EIF2S1: variants seen among roughly 807,000 people sequenced by gnomAD.
EIF2S1 encodes eukaryotic translation initiation factor 2 subunit alpha.
In EIF2S1, 5 loss-of-function variants were observed where a neutral mutation model predicts 33.5. That is an observed-to-expected ratio of 0.15 (90% CI 0.08 to 0.31). EIF2S1 has a LOEUF of 0.31. Ranked by LOEUF, EIF2S1 falls within the 10% of genes least tolerant of loss-of-function variation. The probability of loss-of-function intolerance (pLI) is 1.00; values close to 1 mark genes in which losing one functional copy is unlikely to be tolerated. For synonymous variants in EIF2S1, 99 were observed against 127.5 expected, an observed-to-expected ratio of 0.78 and a Z score of 1.51; for missense variants, 191 against 384.6, an observed-to-expected ratio of 0.50 and a Z score of 4.21.
chr14:67,380,634 GTTAT>G (rs1420727388), intron 4 of EIF2S1, 21 bp from the exon 5 acceptor site: 7 of 1,327,382 alleles, frequency 5.3e-6, no homozygotes, highest in South Asian at 1.5e-5. Context: ...TTGACCTTTT[GTTAT>G]TTATTTATGT....
chr14:67,386,342 G>T lies in EIF2S1; in HGVS notation c.*2902G>T, dbSNP rs2085923859. On this transcript the variant is annotated 3_prime_UTR_variant, in exon 8 of 8. Coordinates refer to ENST00000256383, the MANE Select transcript of EIF2S1 (RefSeq NM_004094.5). ...AAGGGACAGTTCAAACTATTAAAGA[G>T]AACAAATTTTTACTTAAGCACTTTG... 6.6e-6 allele frequency: 1 copy of T among 152,400 alleles called. No homozygotes were observed. Among genetic ancestry groups the T allele is most frequent in the Non-Finnish European group, 1.5e-5 (1 of 68,020 alleles). The allele number at this position is 152,400 out of a possible 1,614,324, so 9.4% of individuals were successfully genotyped here. A position where few individuals can be genotyped will look rare whatever the true frequency, so the allele number is the denominator to read the frequency against.
At chr14:67,361,203 T>C (rs1798405124) in intron 1 of EIF2S1, among the ~76,000 whole-genome samples, 1 of 152,186 alleles carries the variant, frequency 6.6e-6, no homozygotes, top group Admixed American at 6.5e-5. Context: ...AAACTTAGGC[T>C]TTTTAAATTT....
chr14:67,374,416 T>C, intron 2 of EIF2S1, 52 bp from the exon 3 acceptor site: 1 of 1,157,306 alleles, frequency 8.6e-7, no homozygotes, highest in South Asian at 1.7e-5. Flanking sequence ...CTGGTTACAA[T>C]AGTACAGTGG....
intron 4 of EIF2S1, among the ~76,000 whole-genome samples, chr14:67,376,852 A>G (rs1221256484): frequency 6.6e-6 from 1 of 152,182 alleles, no homozygotes; most frequent in Non-Finnish European, 1.5e-5. Context: ...ACTAAAGAGC[A>G]TGTCTCACCA....
intron 2 of EIF2S1, among the ~76,000 whole-genome samples, chr14:67,366,752 A>C (rs780857892): frequency 2.5e-4 from 38 of 152,110 alleles, no homozygotes; most frequent in Non-Finnish European, 4.6e-4. Flanking sequence ...CTGAACAAGT[A>C]TGAAAAATAA....
intron 1 of EIF2S1, among the ~76,000 whole-genome samples, chr14:67,361,444 T>G (rs975854921): frequency 6.6e-6 from 1 of 152,188 alleles, no homozygotes; most frequent in Non-Finnish European, 1.5e-5. Context: ...ACTATAATGA[T>G]GAAATAAAAG....
chr14:67,378,907 C>A (rs937137884), intron 4 of EIF2S1, among the ~76,000 whole-genome samples: 3 of 152,146 alleles, frequency 2.0e-5, no homozygotes, highest in Non-Finnish European at 4.4e-5. Flanking sequence ...GTATCAATAT[C>A]ATTTGTTTTT....
chr14:67,379,800 G>A (rs899952685), intron 4 of EIF2S1, among the ~76,000 whole-genome samples: 67 of 147,916 alleles, frequency 4.5e-4, no homozygotes, highest in Non-Finnish European at 7.2e-4. Context: ...GACTACAGGC[G>A]CCCGCCACTA....
At chr14:67,375,500 T>C (rs1268263545) in intron 3 of EIF2S1, among the ~76,000 whole-genome samples, 3 of 150,526 alleles carry the variant, frequency 2.0e-5, no homozygotes, top group African/African-American at 7.4e-5. Flanking sequence ...TTTTCTGCCA[T>C]GAGTGTTTCT....
In EIF2S1 at chr14:67,361,670, A is replaced by C. The variant is rs184314840; in HGVS notation, c.-2+1214A>C. Among the ~76,000 whole-genome samples, 217 of 152,362 alleles carry C rather than the reference A, an allele frequency of 1.4e-3. 1 individual carries two copies. The highest frequency in any genetic ancestry group is 2.3e-3 in the Non-Finnish European group (155 of 68,020). ...CATTTGTCATGCAAAATAACTGACT[A>C]TGCAGGGTATTTGAAATTAGCCTGG... is the stretch of plus-strand genomic sequence containing the variant. On this transcript the variant is annotated intron_variant, in intron 1 of 7. Coordinates refer to ENST00000256383, the MANE Select transcript of EIF2S1 (RefSeq NM_004094.5).
At chr14:67,373,534 A>G (rs1203472307) in intron 2 of EIF2S1, among the ~76,000 whole-genome samples, 1 of 152,216 alleles carries the variant, frequency 6.6e-6, no homozygotes, top group Admixed American at 6.5e-5. Flanking sequence ...CACCACAGAC[A>G]TGCTGTCCTC....
intron 1 of EIF2S1, 62 bp from the exon 2 acceptor site, chr14:67,364,705 T>C (rs1373172543): frequency 6.8e-7 from 1 of 1,478,682 alleles, no homozygotes. Flanking sequence ...ATGTGGAAAT[T>C]GATTTTTTTT....
chr14:67,381,552 T>C, intron 5 of EIF2S1, 41 bp from the exon 6 acceptor site: 1 of 1,494,836 alleles, frequency 6.7e-7, no homozygotes, highest in African/African-American at 1.4e-5. Context: ...TTTAAATATT[T>C]TTTGCATTTT....
chr14:67,381,556 G>T (rs1468980231), intron 5 of EIF2S1, 37 bp from the exon 6 acceptor site: 3 of 1,514,252 alleles, frequency 2.0e-6, no homozygotes, highest in Admixed American at 3.5e-5. Flanking sequence ...AATATTTTTT[G>T]CATTTTTTAT....
chr14:67,372,152 G>A (rs2085826608), intron 2 of EIF2S1, among the ~76,000 whole-genome samples: 1 of 152,058 alleles, frequency 6.6e-6, no homozygotes, highest in South Asian at 2.1e-4. Context: ...AAATTTATGT[G>A]TGCTTTTATA....
At chr14:67,383,267 G>C (rs377663741) in intron 7 of EIF2S1, 48 bp from the exon 8 acceptor site, 5 of 1,589,084 alleles carry the variant, frequency 3.1e-6, no homozygotes, top group Non-Finnish European at 3.4e-6. Flanking sequence ...AATTAAATTT[G>C]TATAGTATTT....
chr14:67,364,843 T>G lies in EIF2S1; in HGVS notation c.76T>G (p.Ser26Ala). 1 of 1,614,056 alleles carries G rather than the reference T, an allele frequency of 6.2e-7. No individual in the cohort carries two copies. The highest frequency in any genetic ancestry group is 8.5e-7 in the Non-Finnish European group (1 of 1,179,956). Residue 26 changes from serine (S) to alanine (A), a missense_variant, in exon 2 of 8, where the codon TCC becomes GCC. Physicochemically the swap from Ser to Ala is moderately conservative, Grantham distance 99. Coordinates refer to ENST00000256383, the MANE Select transcript of EIF2S1 (RefSeq NM_004094.5). ...AGATGTAGTGATGGTGAATGTCAGA[T>G]CCATTGCTGAAATGGGGGCTTATGT... ...VEDVVMVNVRSIAEMGAYVSL... is the reference protein window; with the variant it reads ...VEDVVMVNVRAIAEMGAYVSL...
rs759254508 is a variant in EIF2S1, at chr14:67,383,494, G to A, written c.*54G>A. 1.3e-5 allele frequency: 21 copies of A among 1,602,302 alleles called. No individual in the cohort carries two copies. The highest frequency in any genetic ancestry group is 4.0e-5 in the African/African-American group (3 of 74,646). Reference sequence around the variant, plus strand: ...GAACACAGAGCAGCGCTTCCTGGCTGTAAATCCTAGACTTGAAAGTTTTCC... The same window carrying A: ...GAACACAGAGCAGCGCTTCCTGGCTATAAATCCTAGACTTGAAAGTTTTCC... On this transcript the variant is annotated 3_prime_UTR_variant, in exon 8 of 8. Transcript: ENST00000256383.
intron 6 of EIF2S1, among the ~76,000 whole-genome samples, chr14:67,382,238 C>T (rs1363350447): frequency 6.6e-6 from 1 of 151,606 alleles, no homozygotes; most frequent in Admixed American, 6.6e-5. Flanking sequence ...TGCATTAGAT[C>T]CCTGTGTTGA....
Sources: allele counts gnomAD v4.1 joint callset (sites outside exome capture counted in the v4.1 genomes callset), GRCh38; gene constraint gnomAD v4.1.1; transcripts MANE v1.5; gene names NCBI Gene and HGNC (gene_info 2026-07-23, HGNC 2026-07-21).